The following AGAP1 variants were observed in gnomAD, a reference collection of about 807,000 sequenced individuals.
AGAP1 encodes ArfGAP with GTPase domain, ankyrin repeat and PH domain 1.
Under a neutral mutation model 105.3 loss-of-function variants are expected in AGAP1, and 29 were observed. The observed-to-expected ratio is 0.28, with a 90% CI of 0.21 to 0.38. The LOEUF is 0.38. AGAP1 is among the 10% of genes least tolerant of loss of function. The pLI, the probability that AGAP1 is intolerant of heterozygous loss-of-function variation, is 1.00. For missense variants in AGAP1, 998 were observed against 1,165.1 expected, an observed-to-expected ratio of 0.86 and a Z score of 2.09; for synonymous variants, 509 against 485.9, an observed-to-expected ratio of 1.05 and a Z score of -0.63.
chr2:236,032,981 T>C (rs921451762), intron 13 of AGAP1, among the ~76,000 whole-genome samples: 8 of 152,174 alleles, frequency 5.3e-5, no homozygotes, highest in Admixed American at 4.6e-4. Flanking sequence ...TGCAGTGACT[T>C]ATGCCTGTAA....
At chr2:235,876,479 C>G (rs1262426649) in intron 9 of AGAP1, among the ~76,000 whole-genome samples, 1 of 152,232 alleles carries the variant, frequency 6.6e-6, no homozygotes, top group South Asian at 2.1e-4. Context: ...CCCAGCCACC[C>G]TCCGTCTCCC....
At chr2:235,757,699 C>T (rs1316977378) in intron 6 of AGAP1, among the ~76,000 whole-genome samples, 1 of 152,148 alleles carries the variant, frequency 6.6e-6, no homozygotes, top group Non-Finnish European at 1.5e-5. Context: ...ATGATTTTTA[C>T]CAAGGTTGTG....
chr2:235,681,040 G>A (rs1949039828), intron 1 of AGAP1, among the ~76,000 whole-genome samples: 1 of 152,072 alleles, frequency 6.6e-6, no homozygotes, highest in East Asian at 1.9e-4. Context: ...GCAGAGTGTC[G>A]CTCTGTCGCC....
chr2:236,121,183 G>T lies in AGAP1; in HGVS notation c.2370+736G>T, dbSNP rs1379544295. On this transcript the variant is annotated intron_variant, in intron 17 of 17. Coordinates refer to ENST00000304032, the MANE Select transcript of AGAP1 (RefSeq NM_001037131.3). This position sits in a 1 kb window ranked among gnomAD's most constrained non-coding sequence, Gnocchi z 4.9. ...ACAGCACCCAGAGGTGGGACACCCA[G>T]CTGGAGGCTCTTCTGTCTCCACCCG... Among the ~76,000 whole-genome samples, 3 of 152,262 alleles carry T rather than the reference G, an allele frequency of 2.0e-5. No homozygotes were observed. Among genetic ancestry groups the T allele is most frequent in the Non-Finnish European group, 4.4e-5 (3 of 68,048 alleles).
Position 236,040,550 on chromosome 2 carries a change from T to TCTCTC in AGAP1, c.1801-200_1801-199insTCTCC. On this transcript the variant is annotated intron_variant, in intron 14 of 17. Transcript: ENST00000304032. This position sits in a 1 kb window ranked among gnomAD's most constrained non-coding sequence, Gnocchi z 5.6. Reference sequence around the variant, plus strand: ...TGATGAGTTAAAATGTGACATTTCCTCCCTCCCCCCGCCCCATGCATGATG... The same window carrying TCTCTC: ...TGATGAGTTAAAATGTGACATTTCCTCTCTCCCCTCCCCCCGCCCCATGCATGATG... The TCTCTC allele has an allele frequency of 2.3e-5, 2 of 85,934 alleles. No individual in the cohort carries two copies. Among genetic ancestry groups the TCTCTC allele is most frequent in the Non-Finnish European group, 2.3e-5 (1 of 44,438 alleles). The allele number at this position is 85,934 out of a possible 1,614,324, so 5.3% of individuals were successfully genotyped here.
intron 1 of AGAP1, among the ~76,000 whole-genome samples, chr2:235,560,100 A>G (rs13386405): frequency 0.019 from 2,946 of 152,164 alleles, 85 homozygotes; most frequent in African/African-American, 0.066. Context: ...GTTTTCTTCT[A>G]AGAGTTTTCT....
intron 1 of AGAP1, among the ~76,000 whole-genome samples, chr2:235,657,273 T>C (rs961419705): frequency 6.6e-6 from 1 of 152,222 alleles, no homozygotes; most frequent in African/African-American, 2.4e-5. Context: ...TGACCTTGTT[T>C]ATGTCGCTAT....
rs1396043803 is a variant in AGAP1 at position 236,044,574 on chromosome 2, T to G, written c.1891+3733T>G. Among the ~76,000 whole-genome samples the G allele has an allele frequency of 6.6e-6, 1 of 152,102 alleles. No homozygotes were observed. Among genetic ancestry groups the G allele is most frequent in the African/African-American group, 2.4e-5 (1 of 41,412 alleles). On this transcript the variant is annotated intron_variant, in intron 15 of 17. Coordinates refer to ENST00000304032, the MANE Select transcript of AGAP1 (RefSeq NM_001037131.3). This position sits in a 1 kb window ranked among gnomAD's most constrained non-coding sequence, Gnocchi z 5.7. ...TAGAATCCTGCCTTATTTCCCTTTG[T>G]GAACCCCAGGCCTGCACACAAGAGG...
rs1403988812 is a variant in AGAP1 at position 235,930,419 on chromosome 2, A to G, written c.1325-346A>G. ...AGCCCCCATCTTGCCGGCCTGCCGG[A>G]TCGCGGTGTCTCTGCTAAGACTCGC... is the stretch of plus-strand genomic sequence containing the variant. On this transcript the variant is annotated intron_variant, in intron 11 of 17. Transcript: ENST00000304032. This position sits in a 1 kb window ranked among gnomAD's most constrained non-coding sequence, Gnocchi z 7.9. 6.6e-6 allele frequency among the ~76,000 whole-genome samples: 1 copy of G among 152,154 alleles called. No homozygotes were observed. Among genetic ancestry groups the G allele is most frequent in the Admixed American group, 6.5e-5 (1 of 15,286 alleles).
In AGAP1 at chr2:235,845,477, C is replaced by A. The variant is rs1961360379; in HGVS notation, c.1051-37868C>A. On this transcript the variant is annotated intron_variant, in intron 9 of 17. Transcript: ENST00000304032. This position sits in a 1 kb window ranked among gnomAD's most constrained non-coding sequence, Gnocchi z 4.8. The stretch of plus-strand genomic sequence containing the variant: ...AGCATTGTTCAGCCAGCTGGGCGAA[C>A]CCTGGGCTTCCTGAGGACACCCCAT... 6.6e-6 allele frequency among the ~76,000 whole-genome samples: 1 copy of A among 152,012 alleles called. No homozygotes were observed. The highest frequency in any genetic ancestry group is 6.6e-5 in the Admixed American group (1 of 15,258).
chr2:235,678,898 C>T (rs907709132), intron 1 of AGAP1, among the ~76,000 whole-genome samples: 5 of 152,140 alleles, frequency 3.3e-5, no homozygotes, highest in Non-Finnish European at 5.9e-5. Flanking sequence ...GCTTGTGTTT[C>T]GCCATGTAGC....
chr2:236,016,381 C>CTTTTTTTTTTTTTTTTTTTTTTTTTTT (rs151088125), intron 13 of AGAP1, among the ~76,000 whole-genome samples: 1 of 114,676 alleles, frequency 8.7e-6, no homozygotes, highest in Admixed American at 8.8e-5. Flanking sequence ...GTTGGGTTTG[C>CTTTTTTTTTTTTTTTTTTTTTTTTTTT]TTTTTTTTTT....
Position 236,053,326 on chromosome 2 carries a change from T to C in AGAP1, c.2114+4045T>C, listed in dbSNP as rs961649993. Among the ~76,000 whole-genome samples the C allele has an allele frequency of 6.6e-6, 1 of 152,236 alleles. No individual in the cohort carries two copies. Among genetic ancestry groups the C allele is most frequent in the African/African-American group, 2.4e-5 (1 of 41,458 alleles). On this transcript the variant is annotated intron_variant, in intron 16 of 17. Transcript: ENST00000304032. The surrounding 1 kb of genome is among the most constrained non-coding windows in gnomAD (Gnocchi z 4.6). ...TCATCATGGAACACATGTCAGGTGC[T>C]CTTGCTACTTCGGGGCCTTGGAATT...
In AGAP1 at chr2:236,115,869, A is replaced by G. The variant is rs190448137; in HGVS notation, c.2115-4323A>G. Among the ~76,000 whole-genome samples the G allele has an allele frequency of 1.8e-3, 277 of 152,096 alleles. 4 individuals are homozygous for G. Among genetic ancestry groups the G allele is most frequent in the African/African-American group, 6.3e-3 (262 of 41,474 alleles). On this transcript the variant is annotated intron_variant, in intron 16 of 17. Transcript: ENST00000304032. ...ACCCAGGCTGGAGTGCAGTGGCGCA[A>G]TCTTGGCTCACTGCAACCTCTGCCT...
At position 235,635,948 on chromosome 2, in the gene AGAP1, A is replaced by G. The variant is rs1382284994; in HGVS notation, c.164-73231A>G. Among the ~76,000 whole-genome samples, 1 of 151,762 alleles carries G rather than the reference A, an allele frequency of 6.6e-6. No homozygotes were observed. Among genetic ancestry groups the G allele is most frequent in the East Asian group, 1.9e-4 (1 of 5,156 alleles). On this transcript the variant is annotated intron_variant, in intron 1 of 17. Transcript: ENST00000304032. This position sits in a 1 kb window ranked among gnomAD's most constrained non-coding sequence, Gnocchi z 5.3. ...GCCAACATGGTGAAACCCCGTCTCT[A>G]CTAAAACTACAAAAATGAGCTGGGC...
rs544674641 is a variant in AGAP1 at position 235,906,229 on chromosome 2, G to A, written c.1156-2509G>A. 1.2e-3 allele frequency among the ~76,000 whole-genome samples: 181 copies of A among 152,322 alleles called. No homozygotes were observed. Among genetic ancestry groups the A allele is most frequent in the African/African-American group, 4.1e-3 (170 of 41,580 alleles). On this transcript the variant is annotated intron_variant, in intron 10 of 17. Transcript: ENST00000304032. The surrounding 1 kb of genome is among the most constrained non-coding windows in gnomAD (Gnocchi z 5.3). ...CTCTGGGCTGATGTGAGATGCACGC[G>A]TGCCAGGGTTTTCTGCCTGGATAGC...
rs114963440 is a variant in AGAP1 at position 235,723,729 on chromosome 2, A to G, written c.310+6085A>G. Among the ~76,000 whole-genome samples the G allele has an allele frequency of 0.018, 2,691 of 152,084 alleles. 78 individuals carry two copies. The highest frequency in any genetic ancestry group is 0.058 in the African/African-American group (2,423 of 41,526). ...TGGCCCCACAAGCTTCCCAAGATGA[A>G]ACTAAACTGTATATGGATTGAGTGG... On this transcript the variant is annotated intron_variant, in intron 3 of 17. Coordinates refer to ENST00000304032, the MANE Select transcript of AGAP1 (RefSeq NM_001037131.3). The surrounding 1 kb of genome is among the most constrained non-coding windows in gnomAD (Gnocchi z 6.2).
intron 16 of AGAP1, among the ~76,000 whole-genome samples, chr2:236,060,240 CA>C (rs1265993094): frequency 1.3e-5 from 2 of 152,106 alleles, no homozygotes; most frequent in Admixed American, 1.3e-4. Flanking sequence ...ACCTAAAGTG[CA>C]AGCAATAAAA....
intron 9 of AGAP1, among the ~76,000 whole-genome samples, chr2:235,810,375 A>G (rs1958069432): frequency 6.6e-6 from 1 of 152,200 alleles, no homozygotes; most frequent in African/African-American, 2.4e-5. Flanking sequence ...GAAGCCTCAC[A>G]CACCAGCTAA....
Sources: gnomAD v4.1 joint callset for allele counts (sites outside exome capture counted in the v4.1 genomes callset) on GRCh38, gnomAD v4.1.1 for gene constraint, Gnocchi (gnomAD v3.1) non-coding constraint, MANE v1.5 for transcripts, NCBI Gene and HGNC (gene_info 2026-07-23, HGNC 2026-07-21) for gene names.